CDH8: variants seen among roughly 807,000 people sequenced by gnomAD.
CDH8 encodes the protein cadherin-8.
CDH8 carries 17 observed loss-of-function variants against 68.1 expected under a neutral mutation model. That is an observed-to-expected ratio of 0.25 (90% CI 0.17 to 0.37). The LOEUF is 0.37. Among genes scored for constraint, CDH8 ranks in the 10% least tolerant of loss-of-function variants. The pLI is 1.00. For synonymous variants in CDH8, 372 were observed against 365.1 expected (o/e 1.02, Z -0.21); for missense variants, 763 against 999.3 (o/e 0.76, Z 3.19).
intron 10 of CDH8, among the ~76,000 whole-genome samples, chr16:61,672,907 G>A (rs1963826531): frequency 6.6e-6 from 1 of 152,048 alleles, no homozygotes; most frequent in Admixed American, 6.6e-5. Context: ...ATCATTCAAT[G>A]CTTTAGGTAA....
At chr16:61,951,517 A>T (rs2143587937) in intron 2 of CDH8, among the ~76,000 whole-genome samples, 1 of 151,876 alleles carries the variant, frequency 6.6e-6, no homozygotes. Context: ...CGTCTCAAAA[A>T]AAAAAAAAAA....
At chr16:61,762,581 T>A (rs763491550) in intron 8 of CDH8, among the ~76,000 whole-genome samples, 1 of 152,054 alleles carries the variant, frequency 6.6e-6, no homozygotes, top group Non-Finnish European at 1.5e-5. Flanking sequence ...TAGATATTCG[T>A]GAAAAATTCA....
chr16:61,659,031 G>A (rs557622894), intron 10 of CDH8, among the ~76,000 whole-genome samples: 2 of 152,162 alleles, frequency 1.3e-5, no homozygotes, highest in South Asian at 4.2e-4. Flanking sequence ...ACTGCTGCTG[G>A]TATATAAAAT....
chr16:61,934,841 G>T (rs1426892332), intron 2 of CDH8, among the ~76,000 whole-genome samples: 1 of 152,106 alleles, frequency 6.6e-6, no homozygotes, highest in African/African-American at 2.4e-5. Context: ...GTCACCCGAA[G>T]CTTTTCAGGG....
chr16:62,019,099 A>G (rs1902011881), intron 2 of CDH8, among the ~76,000 whole-genome samples: 4 of 152,246 alleles, frequency 2.6e-5, no homozygotes, highest in Admixed American at 2.6e-4. Flanking sequence ...AAGAAAAGCA[A>G]GGAACAAAGC....
At chr16:61,972,094 TC>T (rs1394547135) in intron 2 of CDH8, among the ~76,000 whole-genome samples, 1 of 152,092 alleles carries the variant, frequency 6.6e-6, no homozygotes, top group East Asian at 1.9e-4. Context: ...GGGGGCAGTT[TC>T]CCCTATACTG....
chr16:61,963,757 GTTAA>G lies in CDH8; in HGVS notation c.252+57391_252+57394del, dbSNP rs1388083674. Among the ~76,000 whole-genome samples, 6 of 152,200 alleles carry G rather than the reference GTTAA, an allele frequency of 3.9e-5. No homozygotes were observed. In the East Asian group the frequency reaches 1.2e-3, roughly 29 times the overall value. ...TTTGAGGAATCAAATATTCCTCAAT[GTTAA>G]TTGATTGATGGTAGTTGAGTTTTTG... On this transcript the variant is annotated intron_variant, in intron 2 of 11. Transcript: ENST00000577390.
At chr16:61,724,908 A>T (rs1959304030) in intron 9 of CDH8, among the ~76,000 whole-genome samples, 1 of 150,896 alleles carries the variant, frequency 6.6e-6, no homozygotes, top group Non-Finnish European at 1.5e-5. Context: ...TGAGCATTAA[A>T]AGTGACCTAG....
At chr16:61,743,957 A>G (rs1959949414) in intron 8 of CDH8, among the ~76,000 whole-genome samples, 1 of 152,014 alleles carries the variant, frequency 6.6e-6, no homozygotes, top group African/African-American at 2.4e-5. Context: ...TCAATACTTA[A>G]GAATAATTTA....
chr16:61,922,524 T>G (rs575283032), intron 2 of CDH8, among the ~76,000 whole-genome samples: 73 of 152,330 alleles, frequency 4.8e-4, no homozygotes, highest in Non-Finnish European at 8.5e-4. Flanking sequence ...TTTTTTCACT[T>G]TATTGTTTTT....
At chr16:61,661,042 G>A (rs1963546968) in intron 10 of CDH8, among the ~76,000 whole-genome samples, 1 of 151,776 alleles carries the variant, frequency 6.6e-6, no homozygotes, top group African/African-American at 2.4e-5. Context: ...TAAATGCATA[G>A]TTTTTCTCCT....
intron 2 of CDH8, among the ~76,000 whole-genome samples, chr16:61,999,901 G>T (rs925452563): frequency 6.6e-6 from 1 of 151,922 alleles, no homozygotes; most frequent in Non-Finnish European, 1.5e-5. Context: ...CTATCAACCC[G>T]TCATCTAGGT....
chr16:61,806,566 T>C (rs1961786656), intron 7 of CDH8, among the ~76,000 whole-genome samples: 2 of 134,354 alleles, frequency 1.5e-5, no homozygotes, highest in South Asian at 2.8e-4. Flanking sequence ...TTTCGCAACC[T>C]ACTCATCTGA....
intron 8 of CDH8, among the ~76,000 whole-genome samples, chr16:61,768,364 C>T (rs930267362): frequency 1.9e-5 from 2 of 104,506 alleles, no homozygotes; most frequent in African/African-American, 7.8e-5. Flanking sequence ...CTCTCTCTCT[C>T]TCTCCCTTTC....
intron 10 of CDH8, among the ~76,000 whole-genome samples, chr16:61,679,826 G>C (rs1029554041): frequency 6.6e-6 from 1 of 151,864 alleles, no homozygotes; most frequent in East Asian, 1.9e-4. Context: ...TGACTCTTCA[G>C]TGTTTTCTTG....
intron 8 of CDH8, among the ~76,000 whole-genome samples, chr16:61,788,947 T>C (rs1299040922): frequency 1.3e-5 from 2 of 152,110 alleles, no homozygotes; most frequent in Non-Finnish European, 2.9e-5. Context: ...TGTATGCATG[T>C]GTATGATTTA....
At chr16:61,931,188 C>A (rs1401656595) in intron 2 of CDH8, among the ~76,000 whole-genome samples, 1 of 152,010 alleles carries the variant, frequency 6.6e-6, no homozygotes, top group Non-Finnish European at 1.5e-5. Context: ...TGTTTCAGAA[C>A]AGGGTTTCAC....
At chr16:61,901,856 A>C (rs1312207206) in intron 2 of CDH8, among the ~76,000 whole-genome samples, 1 of 152,172 alleles carries the variant, frequency 6.6e-6, no homozygotes, top group Non-Finnish European at 1.5e-5. Flanking sequence ...TAGGTGAATC[A>C]CTTCTCATAT....
chr16:61,800,994 T>A (rs750119647), intron 7 of CDH8, among the ~76,000 whole-genome samples: 4 of 152,082 alleles, frequency 2.6e-5, no homozygotes, highest in Non-Finnish European at 4.4e-5. Context: ...CTTATGAGTA[T>A]AATAATGTTA....
Sources: gnomAD v4.1 joint callset for allele counts (sites outside exome capture counted in the v4.1 genomes callset) on GRCh38, gnomAD v4.1.1 for gene constraint, MANE v1.5 for transcripts, NCBI Gene and HGNC (gene_info 2026-07-23, HGNC 2026-07-21) for gene names.